SNTB1: variants seen among roughly 807,000 people sequenced by gnomAD.
SNTB1 encodes the protein beta-1-syntrophin.
A neutral mutation model predicts 48.9 loss-of-function variants in SNTB1; 36 were observed. That is an observed-to-expected ratio of 0.74 (90% CI 0.56 to 0.97). The LOEUF is 0.97. Among genes scored for constraint, SNTB1 ranks in the 50% least tolerant of loss-of-function variants. The probability of loss-of-function intolerance (pLI) is 0.00; values close to 1 mark genes in which losing one functional copy is unlikely to be tolerated. For synonymous variants in SNTB1, 299 were observed against 294.6 expected (o/e 1.01, Z -0.15); for missense variants, 786 against 703.4 (o/e 1.12, Z -1.33).
chr8:120,789,760 A>G (rs1287539491), intron 1 of SNTB1, among the ~76,000 whole-genome samples: 1 of 151,988 alleles, frequency 6.6e-6, no homozygotes, highest in Non-Finnish European at 1.5e-5. Context: ...GCTGCCAACA[A>G]AAAAAGCCCA....
chr8:120,728,015 A>C (rs1818789659), intron 1 of SNTB1, among the ~76,000 whole-genome samples: 1 of 151,664 alleles, frequency 6.6e-6, no homozygotes, highest in Non-Finnish European at 1.5e-5. Context: ...TGTATTTTTC[A>C]TTTATTTATT....
intron 1 of SNTB1, among the ~76,000 whole-genome samples, chr8:120,699,874 T>C (rs554050068): frequency 6.6e-6 from 1 of 152,254 alleles, no homozygotes; most frequent in African/African-American, 2.4e-5. Context: ...TCTCAGGACT[T>C]AGCATAAATA....
chr8:120,562,911 G>A (rs937291040), intron 4 of SNTB1, among the ~76,000 whole-genome samples: 1 of 150,154 alleles, frequency 6.7e-6, no homozygotes, highest in Admixed American at 6.6e-5. Flanking sequence ...AAAAAGAAAC[G>A]GGTTAGTTGC....
Position 120,802,012 on chromosome 8 carries a change from A to C in SNTB1, c.571+9261T>G, listed in dbSNP as rs1233220140. The stretch of plus-strand genomic sequence containing the variant: ...GATAACCCTTTGGTGTCCCAACTTT[A>C]AGCAATTATCTTATTAGACTCCCCA... On this transcript the variant is annotated intron_variant, in intron 1 of 6. Transcript: ENST00000517992. Among the ~76,000 whole-genome samples the C allele has an allele frequency of 2.6e-5, 4 of 152,052 alleles. No individual in the cohort carries two copies. The East Asian group carries it at 7.7e-4, about 29-fold the overall frequency.
At chr8:120,719,188 T>G (rs113203609) in intron 1 of SNTB1, among the ~76,000 whole-genome samples, 1 of 152,118 alleles carries the variant, frequency 6.6e-6, no homozygotes, top group Non-Finnish European at 1.5e-5. Flanking sequence ...GTCAGTGGGC[T>G]GAGAAAGGCA....
At chr8:120,604,340 G>A (rs945348896) in intron 3 of SNTB1, among the ~76,000 whole-genome samples, 7 of 151,982 alleles carry the variant, frequency 4.6e-5, no homozygotes, top group African/African-American at 1.5e-4. Context: ...ATGTCATTTC[G>A]GGTTCCACAG....
chr8:120,737,898 G>A (rs1263133138), intron 1 of SNTB1, among the ~76,000 whole-genome samples: 1 of 152,150 alleles, frequency 6.6e-6, no homozygotes, highest in African/African-American at 2.4e-5. Context: ...GAGTTAGTGT[G>A]TTATTTTCCC....
Position 120,735,974 on chromosome 8 carries a change from G to A in SNTB1, c.572-42066C>T, listed in dbSNP as rs185917835. 1.7e-3 allele frequency among the ~76,000 whole-genome samples: 257 copies of A among 152,162 alleles called. 2 individuals carry two copies. The East Asian group carries it at 0.033, about 20-fold the overall frequency. Reference sequence around the variant, plus strand: ...TTCATACTGCTATAAAGAATTCCCCGAGACTGGGTAATTTCTAAAGGAAAG... The same window carrying A: ...TTCATACTGCTATAAAGAATTCCCCAAGACTGGGTAATTTCTAAAGGAAAG... On this transcript the variant is annotated intron_variant, in intron 1 of 6. Transcript: ENST00000517992.
intron 3 of SNTB1, among the ~76,000 whole-genome samples, chr8:120,612,251 A>G: frequency 6.6e-6 from 1 of 152,248 alleles, no homozygotes; most frequent in Non-Finnish European, 1.5e-5. Context: ...CTTTGCATGT[A>G]TTATATCATT....
chr8:120,635,545 T>G (rs1376798935), intron 2 of SNTB1: 1 of 158,048 alleles, frequency 6.3e-6, no homozygotes, highest in Non-Finnish European at 1.5e-5. Context: ...GAACTCTACC[T>G]CCACCATCTT....
At chr8:120,681,524 T>C (rs901762548) in intron 2 of SNTB1, among the ~76,000 whole-genome samples, 1 of 152,080 alleles carries the variant, frequency 6.6e-6, no homozygotes, top group Non-Finnish European at 1.5e-5. Flanking sequence ...GATATGGCCC[T>C]GAAAAGAGGG....
At chr8:120,811,252 C>G in intron 1 of SNTB1, 21 bp downstream of exon 1, 1 of 1,558,766 alleles carries the variant, frequency 6.4e-7, no homozygotes, top group Middle Eastern at 1.7e-4. Context: ...CGGCGCGGCC[C>G]GCGCGCTGTT....
At chr8:120,574,725 T>G (rs1196778483) in intron 4 of SNTB1, among the ~76,000 whole-genome samples, 1 of 152,168 alleles carries the variant, frequency 6.6e-6, no homozygotes, top group Non-Finnish European at 1.5e-5. Flanking sequence ...TTTGTGCCAC[T>G]AAGTGAAGAC....
At chr8:120,797,546 C>CTTTTTTTTTTTTTTTTTT (rs60374035) in intron 1 of SNTB1, among the ~76,000 whole-genome samples, 2 of 69,088 alleles carry the variant, frequency 2.9e-5, no homozygotes, top group Non-Finnish European at 5.1e-5. Flanking sequence ...ACTTGTTTCT[C>CTTTTTTTTTTTTTTTTTT]TTTTTTTTTT....
chr8:120,561,867 C>A (rs967024207), intron 4 of SNTB1, among the ~76,000 whole-genome samples: 2 of 152,204 alleles, frequency 1.3e-5, no homozygotes, highest in Non-Finnish European at 2.9e-5. Context: ...TATCAAGTTT[C>A]TCTAACTGAA....
chr8:120,751,371 G>C (rs964175455), intron 1 of SNTB1, among the ~76,000 whole-genome samples: 1 of 152,114 alleles, frequency 6.6e-6, no homozygotes, highest in African/African-American at 2.4e-5. Context: ...TCAGACAGGA[G>C]GGTTTTGTGA....
chr8:120,691,756 A>G (rs75980270), intron 2 of SNTB1, among the ~76,000 whole-genome samples: 4 of 152,170 alleles, frequency 2.6e-5, no homozygotes, highest in African/African-American at 7.2e-5. Context: ...TTAAAAAAAA[A>G]CATATCTGTA....
At position 120,811,909 on chromosome 8, in the gene SNTB1, G is replaced by T. The variant is rs1172010913; in HGVS notation, c.-66C>A. The T allele has an allele frequency of 1.6e-6, 2 of 1,290,032 alleles. No homozygotes were observed. The highest frequency in any genetic ancestry group is 4.2e-5 in the Admixed American group (1 of 23,648). 79.9% of individuals were successfully genotyped at this position (1,290,032 alleles called of 1,614,324 possible). On this transcript the variant is annotated 5_prime_UTR_variant, in exon 1 of 7. Transcript: ENST00000517992. ...GGGAAAAGTGGGGAAGGGTGGCCGGGGGGAGGACGCGGGGCCCGGGGGAGC... is the reference window on the plus strand; with the variant it reads ...GGGAAAAGTGGGGAAGGGTGGCCGGTGGGAGGACGCGGGGCCCGGGGGAGC...
At chr8:120,697,521 C>T (rs1020883074) in intron 1 of SNTB1, among the ~76,000 whole-genome samples, 1 of 152,156 alleles carries the variant, frequency 6.6e-6, no homozygotes, top group Non-Finnish European at 1.5e-5. Context: ...TGTTAAATCT[C>T]AAAACTGGAT....
Sources: gnomAD v4.1 joint callset for allele counts (sites outside exome capture counted in the v4.1 genomes callset) on GRCh38, gnomAD v4.1.1 for gene constraint, MANE v1.5 for transcripts, NCBI Gene and HGNC (gene_info 2026-07-23, HGNC 2026-07-21) for gene names.